PRKACB: variants seen among roughly 807,000 people sequenced by gnomAD.
The protein encoded by PRKACB is cAMP-dependent protein kinase catalytic subunit beta.
In PRKACB, 16 loss-of-function variants were observed where a neutral mutation model predicts 51.4. That is an observed-to-expected ratio of 0.31 (90% CI 0.21 to 0.47). The LOEUF (loss-of-function observed/expected upper bound fraction) is 0.47. Among genes scored for constraint, PRKACB ranks in the 20% least tolerant of loss-of-function variants. PRKACB has a pLI of 1.00. For synonymous variants in PRKACB, 147 were observed against 154.4 expected, an observed-to-expected ratio of 0.95 and a Z score of 0.35; for missense variants, 309 against 464.5, an observed-to-expected ratio of 0.67 and a Z score of 3.08.
intron 1 of PRKACB, chr1:84,078,411 C>G: frequency 6.3e-7 from 1 of 1,599,352 alleles, no homozygotes; most frequent in South Asian, 1.1e-5. Context: ...CTGGGCGGGC[C>G]GGCGCGGGGC....
chr1:84,161,603 A>G (rs568826631), intron 1 of PRKACB, among the ~76,000 whole-genome samples: 1 of 151,930 alleles, frequency 6.6e-6, no homozygotes, highest in Admixed American at 6.6e-5. Flanking sequence ...TTAAAAATAA[A>G]ATTTAAAAGG....
At chr1:84,121,878 A>G (rs1314140580) in intron 1 of PRKACB, among the ~76,000 whole-genome samples, 2 of 152,102 alleles carry the variant, frequency 1.3e-5, no homozygotes, top group Non-Finnish European at 2.9e-5. Flanking sequence ...TAGGACATAA[A>G]TGTATTTTCC....
In PRKACB at chr1:84,144,327, T is replaced by A. The variant is rs1256108392; in HGVS notation, c.-35T>A. 1 of 1,599,876 alleles carries A rather than the reference T, an allele frequency of 6.3e-7. No homozygotes were observed. The highest frequency in any genetic ancestry group is 1.4e-5 in the African/African-American group (1 of 73,792). The stretch of plus-strand genomic sequence containing the variant: ...GTTGTGAGCTCCTTCTGGAAACATT[T>A]GCAGTTACATTAAGTAAAGTGTAAA... On this transcript the variant is annotated 5_prime_UTR_variant, in exon 1 of 10. Coordinates refer to ENST00000370685, the MANE Select transcript of PRKACB (RefSeq NM_182948.4).
chr1:84,151,795 A>AT (rs1371742831), intron 1 of PRKACB, among the ~76,000 whole-genome samples: 4 of 152,082 alleles, frequency 2.6e-5, no homozygotes, highest in East Asian at 1.9e-4. Context: ...TTATCTTGTA[A>AT]TTTTTTACCA....
intron 1 of PRKACB, among the ~76,000 whole-genome samples, chr1:84,095,902 A>C (rs1281495003): frequency 6.6e-6 from 1 of 152,016 alleles, no homozygotes; most frequent in Non-Finnish European, 1.5e-5. Context: ...GCTATATTAA[A>C]GTTCATGTCT....
intron 1 of PRKACB, among the ~76,000 whole-genome samples, chr1:84,138,669 CAACTT>C (rs1405427631): frequency 1.3e-5 from 2 of 152,170 alleles, no homozygotes; most frequent in Non-Finnish European, 2.9e-5. Context: ...GAATACTTCT[CAACTT>C]ATTTTGTGAA....
At chr1:84,101,801 C>G (rs994453531) in intron 1 of PRKACB, among the ~76,000 whole-genome samples, 25 of 152,040 alleles carry the variant, frequency 1.6e-4, no homozygotes, top group African/African-American at 5.6e-4. Flanking sequence ...CAAATTGTAA[C>G]AGGAATTTAA....
At chr1:84,193,278 G>C (rs114807745) in intron 5 of PRKACB, among the ~76,000 whole-genome samples, 1,696 of 152,248 alleles carry the variant, frequency 0.011, 41 homozygotes, top group African/African-American at 0.039. Context: ...CAGCGGGACT[G>C]AAAGGGCTCC....
At chr1:84,208,856 G>A (rs1435539545) in intron 8 of PRKACB, among the ~76,000 whole-genome samples, 1 of 152,156 alleles carries the variant, frequency 6.6e-6, no homozygotes, top group Non-Finnish European at 1.5e-5. Context: ...ACTCAGAAAA[G>A]TTTTCCCTAG....
In PRKACB at chr1:84,158,080, T is replaced by C. The variant is rs538239703; in HGVS notation, c.187+13532T>C. Among the ~76,000 whole-genome samples the C allele has an allele frequency of 8.1e-3, 1,226 of 152,206 alleles. 12 individuals are homozygous for C. The highest frequency in any genetic ancestry group is 0.012 in the Non-Finnish European group (803 of 67,978). On this transcript the variant is annotated intron_variant, in intron 1 of 9. Coordinates refer to ENST00000370685, the MANE Select transcript of PRKACB (RefSeq NM_182948.4). ...TATCATCAGTCTTTCTTTCTTTTTT[T>C]TTTTTCCCCTCCTGAAACAAAGTCT...
At chr1:84,164,928 C>G in intron 1 of PRKACB, 1 of 1,518,574 alleles carries the variant, frequency 6.6e-7, no homozygotes, top group Non-Finnish European at 8.8e-7. Flanking sequence ...GGTTCTTCTC[C>G]CTCTAGAGAT....
chr1:84,095,105 G>A (rs1290038329), intron 1 of PRKACB, among the ~76,000 whole-genome samples: 2 of 151,972 alleles, frequency 1.3e-5, no homozygotes, highest in East Asian at 3.9e-4. Context: ...TATGATGTTC[G>A]TACAGTGACG....
chr1:84,157,398 T>A (rs560299922), intron 1 of PRKACB: 2 of 152,280 alleles, frequency 1.3e-5, no homozygotes, highest in African/African-American at 2.4e-5. Context: ...ACTTTTTTTT[T>A]AATTGAGGTA....
intron 1 of PRKACB, among the ~76,000 whole-genome samples, chr1:84,174,501 T>G (rs1446506791): frequency 6.6e-6 from 1 of 151,916 alleles, no homozygotes; most frequent in Non-Finnish European, 1.5e-5. Context: ...GTTTATTCTT[T>G]GTAGTATTCA....
intron 9 of PRKACB, among the ~76,000 whole-genome samples, chr1:84,221,663 T>G (rs896200566): frequency 1.3e-5 from 2 of 152,122 alleles, no homozygotes; most frequent in Non-Finnish European, 2.9e-5. Flanking sequence ...TTTTATTTCT[T>G]TCTTAATTTC....
intron 5 of PRKACB, among the ~76,000 whole-genome samples, chr1:84,190,670 C>T (rs996780543): frequency 1.3e-5 from 2 of 152,050 alleles, no homozygotes; most frequent in African/African-American, 2.4e-5. Flanking sequence ...ATAAAACTCT[C>T]TGACCAGGAA....
intron 1 of PRKACB, among the ~76,000 whole-genome samples, chr1:84,158,264 C>A (rs1655761404): frequency 6.6e-6 from 1 of 152,068 alleles, no homozygotes; most frequent in African/African-American, 2.4e-5. Context: ...GCTTGAGCTC[C>A]TGACCTCAAG....
intron 1 of PRKACB, among the ~76,000 whole-genome samples, chr1:84,154,346 CT>C (rs1473368579): frequency 1.3e-5 from 2 of 151,994 alleles, no homozygotes; most frequent in Non-Finnish European, 2.9e-5. Context: ...CGACTGTTTT[CT>C]TTTTGCACAA....
intron 1 of PRKACB, among the ~76,000 whole-genome samples, chr1:84,114,526 T>C (rs538452523): frequency 6.6e-6 from 1 of 152,272 alleles, no homozygotes; most frequent in South Asian, 2.1e-4. Flanking sequence ...ATGTAATTTA[T>C]AGTGATGAAG....
Sources: allele counts gnomAD v4.1 joint callset (sites outside exome capture counted in the v4.1 genomes callset), GRCh38; gene constraint gnomAD v4.1.1; transcripts MANE v1.5; gene names NCBI Gene and HGNC (gene_info 2026-07-23, HGNC 2026-07-21).